Variants in ARGLU1 observed in about 807,000 individuals in gnomAD.
ARGLU1 encodes arginine and glutamate-rich protein 1.
A neutral mutation model predicts 37.6 loss-of-function variants in ARGLU1; 9 were observed. That is an observed-to-expected ratio of 0.24 (90% CI 0.14 to 0.42). ARGLU1 has a LOEUF of 0.42. Ranked by LOEUF, ARGLU1 falls within the 10% of genes least tolerant of loss-of-function variation. ARGLU1 has a pLI of 1.00. For synonymous variants in ARGLU1, 166 were observed against 138.5 expected (o/e 1.20, Z -1.39); for missense variants, 211 against 359.2 (o/e 0.59, Z 3.34).
chr13:106,563,656 AAATG>A (rs1176883848), intron 1 of ARGLU1, among the ~76,000 whole-genome samples: 1 of 152,194 alleles, frequency 6.6e-6, no homozygotes, highest in Non-Finnish European at 1.5e-5. Flanking sequence ...ATAAATAAAT[AAATG>A]AATACATATT....
chr13:106,564,135 G>A (rs1880891816), intron 1 of ARGLU1, among the ~76,000 whole-genome samples: 1 of 152,150 alleles, frequency 6.6e-6, no homozygotes, highest in South Asian at 2.1e-4. Flanking sequence ...CATGTGAACT[G>A]CCTATTCAAA....
intron 2 of ARGLU1, chr13:106,559,081 G>A (rs112661356): frequency 1.1e-4 from 137 of 1,224,672 alleles, no homozygotes; most frequent in Non-Finnish European, 1.3e-4. Flanking sequence ...TACAACCACA[G>A]GTGGATTTTT....
At chr13:106,553,341 C>A (rs1019085888) in intron 3 of ARGLU1, among the ~76,000 whole-genome samples, 1 of 152,140 alleles carries the variant, frequency 6.6e-6, no homozygotes, top group African/African-American at 2.4e-5. Flanking sequence ...TTTTTGGCTA[C>A]AGAAAAACCC....
intron 3 of ARGLU1, among the ~76,000 whole-genome samples, chr13:106,545,853 G>A (rs1238354905): frequency 1.3e-5 from 2 of 152,164 alleles, no homozygotes; most frequent in African/African-American, 2.4e-5. Flanking sequence ...CCAACAGAGA[G>A]CTAAAATGTA....
chr13:106,544,047 G>A lies in ARGLU1; in HGVS notation c.771C>T (p.Gly257=). The change falls in exon 4 of 4, where the codon GGC becomes GGT. Residue 257 remains glycine, a synonymous_variant. Transcript: ENST00000400198. ...ACAGTTTTGGCCTGGACTTCCCCTT[G>A]CCCAGGATAATTTTTTGTTCTTCTT... ...QQKEEQKIIL[G]KGKSRPKLSF... The A allele has an allele frequency of 6.2e-7, 1 of 1,603,898 alleles. No individual in the cohort carries two copies.
chr13:106,544,474 A>T (rs1319876470), intron 3 of ARGLU1, among the ~76,000 whole-genome samples: 1 of 152,228 alleles, frequency 6.6e-6, no homozygotes, highest in Non-Finnish European at 1.5e-5. Flanking sequence ...TTCATTTTCA[A>T]TGAAAATAAA....
chr13:106,563,145 T>A (rs2138976206), intron 1 of ARGLU1, among the ~76,000 whole-genome samples: 1 of 152,300 alleles, frequency 6.6e-6, no homozygotes, highest in Non-Finnish European at 1.5e-5. Flanking sequence ...ATGTGGGAAC[T>A]CAATCCTAGG....
At chr13:106,561,202 A>C (rs1003381749) in intron 1 of ARGLU1, among the ~76,000 whole-genome samples, 2 of 152,196 alleles carry the variant, frequency 1.3e-5, no homozygotes, top group Non-Finnish European at 1.5e-5. Flanking sequence ...CCAATACTAA[A>C]AAAAATCAAT....
At chr13:106,564,757 C>G (rs754453291) in intron 1 of ARGLU1, among the ~76,000 whole-genome samples, 1 of 152,172 alleles carries the variant, frequency 6.6e-6, no homozygotes, top group Non-Finnish European at 1.5e-5. Flanking sequence ...CTCACATGAT[C>G]AAGTCTGGAT....
intron 2 of ARGLU1, chr13:106,558,117 C>G: frequency 1.0e-6 from 1 of 983,670 alleles, no homozygotes; most frequent in Non-Finnish European, 1.2e-6. Flanking sequence ...GGGTTGTGTC[C>G]GTGTAAAAAA....
intron 1 of ARGLU1, among the ~76,000 whole-genome samples, chr13:106,565,181 T>C (rs1461550033): frequency 2.0e-5 from 3 of 152,214 alleles, no homozygotes; most frequent in Non-Finnish European, 4.4e-5. Context: ...TAATATGACA[T>C]ACAATAACCC....
Position 106,568,023 on chromosome 13 carries a change from G to T in ARGLU1, c.-104C>A. 1 of 1,454,164 alleles carries T rather than the reference G, an allele frequency of 6.9e-7. No homozygotes were observed. Among genetic ancestry groups the T allele is most frequent in the African/African-American group, 1.5e-5 (1 of 68,234 alleles). The allele number at this position is 1,454,164 out of a possible 1,614,324, so 90.1% of individuals were successfully genotyped here. A position where few individuals can be genotyped will look rare whatever the true frequency, so the allele number is the denominator to read the frequency against. Reference sequence around the variant, plus strand: ...GCTGGCGGTTCTACCGAGGCCGGAGGAAAGAAAGGTGTCGGCCAACGGACT... The same window carrying T: ...GCTGGCGGTTCTACCGAGGCCGGAGTAAAGAAAGGTGTCGGCCAACGGACT... On this transcript the variant is annotated 5_prime_UTR_variant, in exon 1 of 4. Transcript: ENST00000400198.
At chr13:106,560,174 T>C (rs1371414699) in intron 1 of ARGLU1, among the ~76,000 whole-genome samples, 1 of 152,230 alleles carries the variant, frequency 6.6e-6, no homozygotes, top group Non-Finnish European at 1.5e-5. Flanking sequence ...TAGTTTTTAC[T>C]GAAAATATGA....
At chr13:106,545,214 A>C (rs1489074480) in intron 3 of ARGLU1, among the ~76,000 whole-genome samples, 3 of 152,154 alleles carry the variant, frequency 2.0e-5, no homozygotes, top group African/African-American at 7.2e-5. Flanking sequence ...TCCCACAACA[A>C]AGAATGATCC....
At chr13:106,556,384 T>A (rs1215303731) in intron 3 of ARGLU1, among the ~76,000 whole-genome samples, 2 of 152,210 alleles carry the variant, frequency 1.3e-5, no homozygotes, top group Non-Finnish European at 2.9e-5. Context: ...CTGCCCCGTA[T>A]TAACTTTTTA....
intron 3 of ARGLU1, among the ~76,000 whole-genome samples, chr13:106,549,569 C>G (rs1880482256): frequency 6.6e-6 from 1 of 152,166 alleles, no homozygotes; most frequent in Non-Finnish European, 1.5e-5. Context: ...ACGCAAGGAT[C>G]CCCTTCATCC....
At chr13:106,558,866 G>A (rs1299128518) in intron 2 of ARGLU1, 1 of 985,284 alleles carries the variant, frequency 1.0e-6, no homozygotes, top group Non-Finnish European at 1.2e-6. Context: ...AGGGCCTTAT[G>A]ATCAGAATGC....
rs1302928977 is a variant in ARGLU1 at position 106,542,318 on chromosome 13, T to C, written c.*1678A>G. The C allele has an allele frequency of 6.6e-6, 1 of 151,664 alleles. No individual in the cohort carries two copies. Among genetic ancestry groups the C allele is most frequent in the Non-Finnish European group, 1.5e-5 (1 of 67,924 alleles). 9.4% of individuals were successfully genotyped at this position (151,664 alleles called of 1,614,324 possible). A position where few individuals can be genotyped will look rare whatever the true frequency, so the allele number is the denominator to read the frequency against. ...AAGTTACATTGAAAAAAAAAAAAAT[T>C]CATGAAATAATTACAGCTAACCTAT... On this transcript the variant is annotated 3_prime_UTR_variant, in exon 4 of 4. Transcript: ENST00000400198.
chr13:106,543,034 A>C lies in ARGLU1; in HGVS notation c.*962T>G, dbSNP rs1355940743. 3.9e-5 allele frequency: 6 copies of C among 152,082 alleles called. No individual in the cohort carries two copies. The highest frequency in any genetic ancestry group is 8.8e-5 in the Non-Finnish European group (6 of 67,944). The allele number at this position is 152,082 out of a possible 1,614,324, so 9.4% of individuals were successfully genotyped here. ...CCTTTATTAAGTATACTTTGTGATA[A>C]TACTTATATCCTAAAACAGAGGCAC... On this transcript the variant is annotated 3_prime_UTR_variant, in exon 4 of 4. Coordinates refer to ENST00000400198, the MANE Select transcript of ARGLU1 (RefSeq NM_018011.4).
Sources: gnomAD v4.1 joint callset for allele counts (sites outside exome capture counted in the v4.1 genomes callset) on GRCh38, gnomAD v4.1.1 for gene constraint, MANE v1.5 for transcripts, NCBI Gene and HGNC (gene_info 2026-07-23, HGNC 2026-07-21) for gene names.